Variants in NRG1 observed in about 807,000 individuals in gnomAD.
NRG1 encodes neuregulin 1.
In NRG1, 18 loss-of-function variants were observed where a neutral mutation model predicts 63.8. The ratio of observed to expected loss-of-function variants is 0.28; its 90% confidence interval spans 0.19 to 0.42. The LOEUF (loss-of-function observed/expected upper bound fraction) is 0.42. NRG1 is among the 10% of genes least tolerant of loss of function. The pLI is 1.00. For synonymous variants in NRG1, 302 were observed against 301.3 expected (o/e 1.00, Z -0.02); for missense variants, 762 against 814.7 (o/e 0.94, Z 0.79).
At chr8:31,663,833 A>G (rs1037489318) in intron 1 of NRG1, among the ~76,000 whole-genome samples, 1 of 152,016 alleles carries the variant, frequency 6.6e-6, no homozygotes, top group African/African-American at 2.4e-5. Flanking sequence ...TTGGGGCTGT[A>G]CATCAGGGGA....
At chr8:32,289,230 G>C (rs1449355424) in intron 1 of NRG1, among the ~76,000 whole-genome samples, 1 of 152,074 alleles carries the variant, frequency 6.6e-6, no homozygotes, top group East Asian at 1.9e-4. Flanking sequence ...AATCCTGAGG[G>C]GATGGACTTC....
chr8:31,988,823 T>C (rs2010241), intron 1 of NRG1, among the ~76,000 whole-genome samples: 81,649 of 152,004 alleles, frequency 0.54, 26,624 homozygotes, highest in Non-Finnish European at 0.73. Context: ...CCTTAGATCC[T>C]ATGCTTTTCC....
At chr8:32,143,455 G>A (rs1398777945) in intron 1 of NRG1, among the ~76,000 whole-genome samples, 1 of 152,152 alleles carries the variant, frequency 6.6e-6, no homozygotes, top group Non-Finnish European at 1.5e-5. Flanking sequence ...CTCCATGGAG[G>A]CAGAGACCTT....
chr8:32,269,052 C>T (rs1563252868), intron 1 of NRG1, among the ~76,000 whole-genome samples: 1 of 151,988 alleles, frequency 6.6e-6, no homozygotes, highest in African/African-American at 2.4e-5. Flanking sequence ...GTACATTCCT[C>T]CTTCCCTCCT....
rs35666052 is a variant in NRG1 at position 31,740,684 on chromosome 8, T to TGAGA, written c.37+101271_37+101274dup. ...CTGTGTGAGTGCATGTGTGTGTGTGTGAGAGAGAGAGAGAGAGAGAGGGAC... is the reference window on the plus strand; with the variant it reads ...CTGTGTGAGTGCATGTGTGTGTGTGTGAGAGAGAGAGAGAGAGAGAGAGAGGGAC... On this transcript the variant is annotated intron_variant, in intron 1 of 10. Coordinates refer to the NRG1 transcript ENST00000519301. Among the ~76,000 whole-genome samples the TGAGA allele has an allele frequency of 2.7e-4, 40 of 148,762 alleles. 1 individual carries two copies. The highest frequency in any genetic ancestry group is 4.0e-4 in the East Asian group (2 of 5,034).
chr8:32,669,777 T>C (rs1052784086), intron 5 of NRG1, among the ~76,000 whole-genome samples: 1 of 152,192 alleles, frequency 6.6e-6, no homozygotes, highest in Non-Finnish European at 1.5e-5. Context: ...TGCTAAAACA[T>C]TGAATTGTGA....
At chr8:32,628,194 T>C (rs1437896349) in intron 5 of NRG1, among the ~76,000 whole-genome samples, 1 of 152,196 alleles carries the variant, frequency 6.6e-6, no homozygotes, top group African/African-American at 2.4e-5. Flanking sequence ...ACCTGCCTTG[T>C]CAAACAGGAT....
intron 1 of NRG1, among the ~76,000 whole-genome samples, chr8:32,522,990 T>G (rs888572817): frequency 3.9e-5 from 6 of 152,086 alleles, no homozygotes; most frequent in Non-Finnish European, 8.8e-5. Context: ...TTCATAGATA[T>G]GGAGTTTCAA....
At chr8:32,701,520 T>G (rs1197179111) in intron 5 of NRG1, among the ~76,000 whole-genome samples, 2 of 152,140 alleles carry the variant, frequency 1.3e-5, no homozygotes, top group African/African-American at 4.8e-5. Flanking sequence ...TTTTAAATAT[T>G]AACTGTTGTG....
chr8:32,748,358 C>CACAGAGAGAGAGAGAGAG (rs748763782), intron 7 of NRG1, among the ~76,000 whole-genome samples: 1,300 of 121,874 alleles, frequency 0.011, 16 homozygotes, highest in Non-Finnish European at 0.017. Flanking sequence ...CACACACACA[C>CACAGAGAGAGAGAGAGAG]AGAGAGAGAG....
chr8:31,748,215 A>G (rs1816091336), intron 1 of NRG1, among the ~76,000 whole-genome samples: 1 of 151,960 alleles, frequency 6.6e-6, no homozygotes, highest in Non-Finnish European at 1.5e-5. Flanking sequence ...CTCCAAACTT[A>G]TTTATGATAA....
At chr8:31,659,296 A>G (rs1805734791) in intron 1 of NRG1, among the ~76,000 whole-genome samples, 1 of 152,104 alleles carries the variant, frequency 6.6e-6, no homozygotes, top group South Asian at 2.1e-4. Context: ...AAAAAAAACA[A>G]CTTTCCCGGA....
chr8:32,568,649 C>A (rs546112766), intron 1 of NRG1, among the ~76,000 whole-genome samples: 15 of 152,198 alleles, frequency 9.9e-5, no homozygotes, highest in Non-Finnish European at 7.4e-5. Flanking sequence ...GGATAGGGCC[C>A]GGCATCCTGT....
intron 1 of NRG1, among the ~76,000 whole-genome samples, chr8:32,555,693 C>A (rs375921062): frequency 4.6e-5 from 7 of 152,092 alleles, no homozygotes; most frequent in African/African-American, 9.7e-5. Flanking sequence ...GGATGGTCTC[C>A]ATCTCCTGAC....
rs1826514940 is a variant in NRG1, at chr8:32,742,309, A to G, written c.633-366A>G. On this transcript the variant is annotated intron_variant, in intron 6 of 11. Coordinates refer to ENST00000356819, the Ensembl canonical transcript of NRG1. This position sits in a 1 kb window ranked among gnomAD's most constrained non-coding sequence, Gnocchi z 4.2. ...CGATGGCCCGTGATGCTGACAAACT[A>G]TTGCAGGCAAGCCAACCGAGAAACA... Among the ~76,000 whole-genome samples the G allele has an allele frequency of 6.6e-6, 1 of 152,162 alleles. No individual in the cohort carries two copies. The highest frequency in any genetic ancestry group is 2.1e-4 in the South Asian group (1 of 4,818).
chr8:32,714,359 T>C (rs941499883), intron 5 of NRG1, among the ~76,000 whole-genome samples: 1 of 152,228 alleles, frequency 6.6e-6, no homozygotes, highest in Non-Finnish European at 1.5e-5. Context: ...AATAAAATGG[T>C]ATTTTTTAAA....
intron 1 of NRG1, among the ~76,000 whole-genome samples, chr8:32,348,564 A>C (rs539592858): frequency 3.3e-5 from 5 of 152,318 alleles, no homozygotes; most frequent in African/African-American, 1.2e-4. Flanking sequence ...AACAACATTT[A>C]TGGTCAAATA....
At chr8:31,882,080 AG>A (rs1830387845) in intron 1 of NRG1, among the ~76,000 whole-genome samples, 1 of 152,124 alleles carries the variant, frequency 6.6e-6, no homozygotes, top group Admixed American at 6.6e-5. Flanking sequence ...GAATAGCTGG[AG>A]AGAATAAGGA....
At chr8:32,030,164 A>G (rs978219294) in intron 1 of NRG1, among the ~76,000 whole-genome samples, 3 of 152,224 alleles carry the variant, frequency 2.0e-5, no homozygotes, top group Admixed American at 1.3e-4. Context: ...TACAGTGCAC[A>G]TAAGAAGATC....
Sources: gnomAD v4.1 joint callset for allele counts (sites outside exome capture counted in the v4.1 genomes callset) on GRCh38, gnomAD v4.1.1 for gene constraint, Gnocchi (gnomAD v3.1) non-coding constraint, MANE v1.5 for transcripts, NCBI Gene and HGNC (gene_info 2026-07-23, HGNC 2026-07-21) for gene names.